Variants in ZEB1 observed in about 807,000 individuals in gnomAD.
The protein encoded by ZEB1 is zinc finger E-box-binding homeobox 1.
A neutral mutation model predicts 84.9 loss-of-function variants in ZEB1; 21 were observed. That is an observed-to-expected ratio of 0.25 (90% CI 0.18 to 0.36). The LOEUF (loss-of-function observed/expected upper bound fraction) is 0.36, where lower values mean the gene tolerates loss of function less well. Among genes scored for constraint, ZEB1 ranks in the 10% least tolerant of loss-of-function variants. The pLI, the probability that ZEB1 is intolerant of heterozygous loss-of-function variation, is 1.00. For missense variants in ZEB1, 1,104 were observed against 1,330.2 expected (o/e 0.83, Z 2.65); for synonymous variants, 420 against 471.1 (o/e 0.89, Z 1.41).
In ZEB1 at chr10:31,502,580, G is replaced by A. The variant is rs973688443; in HGVS notation, c.484+71G>A. On this transcript the variant is annotated intron_variant, in intron 4 of 8. Transcript: ENST00000424869. ...TCTTGTTTCTACCATTCTACTATGG[G>A]AACCTGCTCTACTATAGGGAACATT... 2.5e-6 allele frequency: 4 copies of A among 1,593,348 alleles called. No homozygotes were observed. The Admixed American group carries it at 6.7e-5, about 27-fold the overall frequency.
chr10:31,404,759 A>G lies in ZEB1; in HGVS notation c.59-56278A>G, dbSNP rs200160672. On this transcript the variant is annotated intron_variant, in intron 1 of 8. Transcript: ENST00000424869. ...TCCTTTTATTTTTTTCAATCTGAAG[A>G]TAGTAGCATGCTTAGAGCATGAATG... is the stretch of plus-strand genomic sequence containing the variant. Among the ~76,000 whole-genome samples, 11 of 152,162 alleles carry G rather than the reference A, an allele frequency of 7.2e-5. No homozygotes were observed. The East Asian group carries it at 1.7e-3, about 24-fold the overall frequency.
At chr10:31,422,210 G>A (rs1208656051) in intron 1 of ZEB1, among the ~76,000 whole-genome samples, 1 of 152,180 alleles carries the variant, frequency 6.6e-6, no homozygotes, top group Admixed American at 6.6e-5. Flanking sequence ...CAGAGAGTGT[G>A]GGAAAAGCAA....
chr10:31,513,660 C>T (rs1324659162), intron 5 of ZEB1, among the ~76,000 whole-genome samples: 1 of 152,042 alleles, frequency 6.6e-6, no homozygotes, highest in Non-Finnish European at 1.5e-5. Flanking sequence ...TGAGTTAAGC[C>T]GTTAAAGGCT....
intron 1 of ZEB1, among the ~76,000 whole-genome samples, chr10:31,374,195 G>A (rs958360258): frequency 2.9e-4 from 44 of 151,852 alleles, no homozygotes; most frequent in African/African-American, 1.0e-3. Context: ...TGATTTTTGC[G>A]ATTCACATAG....
At chr10:31,415,407 G>C (rs2055041409) in intron 1 of ZEB1, among the ~76,000 whole-genome samples, 1 of 151,942 alleles carries the variant, frequency 6.6e-6, no homozygotes, top group Non-Finnish European at 1.5e-5. Flanking sequence ...GTGGTGGTAA[G>C]GTTTTGGGAG....
At chr10:31,455,994 C>CCA (rs908269708) in intron 1 of ZEB1, among the ~76,000 whole-genome samples, 1 of 152,176 alleles carries the variant, frequency 6.6e-6, no homozygotes, top group African/African-American at 2.4e-5. Context: ...ATAGCAAAGA[C>CCA]TTGGAACCAA....
At chr10:31,321,606 C>T (rs2034083438) in intron 1 of ZEB1, 3 of 1,610,686 alleles carry the variant, frequency 1.9e-6, no homozygotes, top group South Asian at 2.2e-5. Flanking sequence ...AGGGGCTTTT[C>T]TTGTTGCTGA....
At chr10:31,504,580 C>T (rs1266798606) in intron 4 of ZEB1, among the ~76,000 whole-genome samples, 1 of 152,082 alleles carries the variant, frequency 6.6e-6, no homozygotes, top group Non-Finnish European at 1.5e-5. Context: ...TTCTTCTGAT[C>T]CATGAGCATG....
At position 31,473,907 on chromosome 10, in the gene ZEB1, A is replaced by G. The variant is rs932596104; in HGVS notation, c.259+12670A>G. Among the ~76,000 whole-genome samples, 7 of 151,748 alleles carry G rather than the reference A, an allele frequency of 4.6e-5. No homozygotes were observed. The South Asian group carries it at 8.4e-4, about 18-fold the overall frequency. On this transcript the variant is annotated intron_variant, in intron 2 of 8. Transcript: ENST00000424869. Reference sequence around the variant, plus strand: ...ACAGAGCCCTCAGAAATAACGCCGCATATCTACAACTATCTGATCTTTGAC... The same window carrying G: ...ACAGAGCCCTCAGAAATAACGCCGCGTATCTACAACTATCTGATCTTTGAC...
intron 2 of ZEB1, among the ~76,000 whole-genome samples, chr10:31,472,741 CAGAG>C (rs1376925229): frequency 7.2e-6 from 1 of 139,702 alleles, no homozygotes; most frequent in Admixed American, 7.0e-5. Flanking sequence ...CAAAGCCTGG[CAGAG>C]ACACAACCAA....
chr10:31,501,524 TATAG>T (rs946731043), intron 3 of ZEB1, among the ~76,000 whole-genome samples: 7 of 152,192 alleles, frequency 4.6e-5, no homozygotes, highest in Admixed American at 6.5e-5. Flanking sequence ...TCCTTCTTAC[TATAG>T]ATAATTATTA....
chr10:31,392,665 T>C (rs2049963710), intron 1 of ZEB1, among the ~76,000 whole-genome samples: 1 of 152,018 alleles, frequency 6.6e-6, no homozygotes. Flanking sequence ...ATCTAGTGCA[T>C]TTATACCATA....
chr10:31,475,513 A>T (rs1434621046), intron 2 of ZEB1, among the ~76,000 whole-genome samples: 1 of 152,210 alleles, frequency 6.6e-6, no homozygotes, highest in Non-Finnish European at 1.5e-5. Context: ...TTCAAAGTCA[A>T]TATGAAAGAA....
chr10:31,410,955 C>T (rs1259134837), intron 1 of ZEB1, among the ~76,000 whole-genome samples: 3 of 152,122 alleles, frequency 2.0e-5, no homozygotes, highest in Admixed American at 1.3e-4. Context: ...CTTCTGGATT[C>T]ATTGATTATT....
chr10:31,374,357 C>T (rs756209213), intron 1 of ZEB1, among the ~76,000 whole-genome samples: 1 of 151,770 alleles, frequency 6.6e-6, no homozygotes, highest in East Asian at 1.9e-4. Context: ...ATTATGTAAT[C>T]ATTCCAATGT....
At chr10:31,476,900 G>A (rs1324984013) in intron 2 of ZEB1, among the ~76,000 whole-genome samples, 1 of 152,000 alleles carries the variant, frequency 6.6e-6, no homozygotes, top group Non-Finnish European at 1.5e-5. Context: ...AGGCATTGAA[G>A]GAACGTACCT....
At chr10:31,496,297 G>A (rs1401069397) in intron 3 of ZEB1, among the ~76,000 whole-genome samples, 1 of 152,006 alleles carries the variant, frequency 6.6e-6, no homozygotes, top group East Asian at 1.9e-4. Context: ...ATATTAATGA[G>A]TTGAGTGAAC....
At chr10:31,323,726 TTA>T (rs915738033) in intron 1 of ZEB1, among the ~76,000 whole-genome samples, 43 of 152,240 alleles carry the variant, frequency 2.8e-4, no homozygotes, top group African/African-American at 1.0e-3. Flanking sequence ...CTGTATTTAG[TTA>T]TGTCTTTTCA....
At chr10:31,440,271 G>C (rs893157684) in intron 1 of ZEB1, among the ~76,000 whole-genome samples, 1 of 152,118 alleles carries the variant, frequency 6.6e-6, no homozygotes, top group Non-Finnish European at 1.5e-5. Context: ...TTTCCCATTA[G>C]AAATCCAAGT....
Sources: gnomAD v4.1 joint callset for allele counts (sites outside exome capture counted in the v4.1 genomes callset) on GRCh38, gnomAD v4.1.1 for gene constraint, MANE v1.5 for transcripts, NCBI Gene and HGNC (gene_info 2026-07-23, HGNC 2026-07-21) for gene names.